The following BRAF variants were observed in gnomAD, a reference collection of about 807,000 sequenced individuals.
BRAF encodes B-Raf proto-oncogene, serine/threonine kinase, also known as serine/threonine-protein kinase B-raf.
A neutral mutation model predicts 104.6 loss-of-function variants in BRAF; 16 were observed. The ratio of observed to expected loss-of-function variants is 0.15; its 90% CI spans 0.10 to 0.23. BRAF has a LOEUF of 0.23. Ranked by LOEUF, BRAF falls within the 10% of genes least tolerant of loss-of-function variation. The pLI, the probability that BRAF is intolerant of heterozygous loss-of-function variation, is 1.00. For synonymous variants in BRAF, 310 were observed against 341.6 expected (o/e 0.91, Z 1.02); for missense variants, 541 against 937.3 (o/e 0.58, Z 5.52).
In BRAF at chr7:140,719,444, A is replaced by G; in HGVS notation, c.*7050T>C. ...AGTTTTTAAATAACTTTACACAGAA[A>G]TAAATTTCTTCAATCTGAATTTCAG... On this transcript the variant is annotated 3_prime_UTR_variant, in exon 20 of 20. Coordinates refer to ENST00000644969, the MANE Select transcript of BRAF (RefSeq NM_001374258.1). 1 of 1,012,578 alleles carries G rather than the reference A, an allele frequency of 9.9e-7. No homozygotes were observed. The allele number at this position is 1,012,578 out of a possible 1,614,324, so 62.7% of individuals were successfully genotyped here.
At chr7:140,914,810 C>T (rs752720802) in intron 1 of BRAF, among the ~76,000 whole-genome samples, 4 of 151,708 alleles carry the variant, frequency 2.6e-5, no homozygotes, top group African/African-American at 4.8e-5. Context: ...GAGGCTGAGG[C>T]GGACGGATCA....
rs377568100 is a variant in BRAF, at chr7:140,754,833, A to G, written c.1815-600T>C. ...ACTAGAACATGCAGTTTGGTAATTA[A>G]AACTATTTTTAAAGGTAGTTGTCAT... On this transcript the variant is annotated intron_variant, in intron 14 of 19. Coordinates refer to ENST00000644969, the MANE Select transcript of BRAF (RefSeq NM_001374258.1). Among the ~76,000 whole-genome samples the G allele has an allele frequency of 2.6e-5, 4 of 152,352 alleles. No individual in the cohort carries two copies. The East Asian group carries it at 7.7e-4, about 29-fold the overall frequency.
intron 3 of BRAF, among the ~76,000 whole-genome samples, chr7:140,811,910 T>G (rs867718768): frequency 4.6e-5 from 7 of 152,290 alleles, no homozygotes; most frequent in Middle Eastern, 3.4e-3. Flanking sequence ...GGTTGTAACC[T>G]TTCAGAAATA....
chr7:140,797,622 A>G (rs1562964490), intron 7 of BRAF, among the ~76,000 whole-genome samples: 1 of 152,218 alleles, frequency 6.6e-6, no homozygotes, highest in Non-Finnish European at 1.5e-5. Flanking sequence ...CCAATAAAAT[A>G]TTCATGGCAC....
intron 10 of BRAF, among the ~76,000 whole-genome samples, chr7:140,784,520 C>G (rs949454611): frequency 2.0e-5 from 3 of 152,142 alleles, no homozygotes; most frequent in African/African-American, 7.2e-5. Context: ...TGAGAAACAG[C>G]AGGGCTGAGA....
At chr7:140,920,352 C>T (rs955644179) in intron 1 of BRAF, among the ~76,000 whole-genome samples, 3 of 152,164 alleles carry the variant, frequency 2.0e-5, no homozygotes, top group Non-Finnish European at 2.9e-5. Context: ...AAGTAGTCAT[C>T]GCATTCTCTG....
chr7:140,794,966 T>C (rs1036068687), intron 7 of BRAF, among the ~76,000 whole-genome samples: 6 of 152,234 alleles, frequency 3.9e-5, no homozygotes, highest in East Asian at 1.9e-4. Flanking sequence ...TGAATGAAAA[T>C]CCAGAACAAT....
chr7:140,795,731 T>C lies in BRAF; in HGVS notation c.981-1264A>G, dbSNP rs555474042. The stretch of plus-strand genomic sequence containing the variant: ...TTTTGACTTCATGTGTTTATATTAA[T>C]GAAATGAATCCACTTAGAATTGATA... On this transcript the variant is annotated intron_variant, in intron 7 of 19. Coordinates refer to ENST00000644969, the MANE Select transcript of BRAF (RefSeq NM_001374258.1). 1.1e-4 allele frequency among the ~76,000 whole-genome samples: 16 copies of C among 152,288 alleles called. No individual in the cohort carries two copies. The South Asian group carries it at 1.4e-3, about 14-fold the overall frequency.
chr7:140,758,613 C>G (rs868730176), intron 14 of BRAF, among the ~76,000 whole-genome samples: 1 of 151,976 alleles, frequency 6.6e-6, no homozygotes, highest in African/African-American at 2.4e-5. Context: ...CGCCACCATG[C>G]CTGGATAATT....
intron 3 of BRAF, among the ~76,000 whole-genome samples, chr7:140,817,171 C>T (rs943737545): frequency 2.6e-5 from 4 of 151,758 alleles, no homozygotes; most frequent in East Asian, 1.9e-4. Flanking sequence ...GCAAACAATC[C>T]GAAACAAAAA....
intron 14 of BRAF, among the ~76,000 whole-genome samples, chr7:140,771,878 C>T (rs1239755197): frequency 1.3e-5 from 2 of 151,894 alleles, no homozygotes; most frequent in Non-Finnish European, 2.9e-5. Context: ...AGCCAGGGGA[C>T]AGAAGGAAAG....
intron 1 of BRAF, among the ~76,000 whole-genome samples, chr7:140,907,920 T>A (rs1816516198): frequency 6.6e-6 from 1 of 152,088 alleles, no homozygotes; most frequent in Admixed American, 6.5e-5. Flanking sequence ...AATCTTTGTA[T>A]TTTTAGTAGA....
chr7:140,924,744 C>A lies in BRAF; in HGVS notation c.-41G>T, dbSNP rs1482005288. On this transcript the variant is annotated 5_prime_UTR_variant, in exon 1 of 20. Coordinates refer to ENST00000644969, the MANE Select transcript of BRAF (RefSeq NM_001374258.1). This position sits in a 1 kb window ranked among gnomAD's most constrained non-coding sequence, Gnocchi z 4.2. ...CGGGGCCCGAGCGGCCGCTGTCGGG[C>A]GGGGAGGGGGAAGGGAGGCGGAGAG... is the stretch of plus-strand genomic sequence containing the variant. The A allele has an allele frequency of 1.4e-6, 1 of 718,524 alleles. No homozygotes were observed. The highest frequency in any genetic ancestry group is 2.4e-5 in the Admixed American group (1 of 41,558). 44.5% of individuals were successfully genotyped at this position (718,524 alleles called of 1,614,324 possible). A position where few individuals can be genotyped will look rare whatever the true frequency, so the allele number is the denominator to read the frequency against.
chr7:140,834,760 T>A lies in BRAF; in HGVS notation c.353A>T (p.Asp118Val), dbSNP rs2129062167. 1 of 1,614,192 alleles carries A rather than the reference T, an allele frequency of 6.2e-7. No individual in the cohort carries two copies. The highest frequency in any genetic ancestry group is 1.1e-5 in the South Asian group (1 of 91,086). The change falls in exon 3 of 20, where the codon GAT becomes GTT. Residue 118 changes from aspartate to valine, a missense_variant. Physicochemically the swap from Asp to Val is radical, Grantham distance 152. Transcript: ENST00000644969. ...AGAAGAGGAAGAAGATGTAACGGTA[T>A]CCATTGATGCAGAGCTAGAAACAGA... ...DFSVSSSASM[D>V]TVTSSSSSSL...
Position 140,843,150 on chromosome 7 carries a change from G to C in BRAF, c.240+6961C>G, listed in dbSNP as rs1808162872. 2.0e-5 allele frequency among the ~76,000 whole-genome samples: 3 copies of C among 152,218 alleles called. No homozygotes were observed. In the South Asian group the frequency reaches 6.2e-4, roughly 32 times the overall value. ...TCTTACTTCAGGAAATGTAAGCATA[G>C]TCACTAGTATAGGGGTGATATGTGA... On this transcript the variant is annotated intron_variant, in intron 2 of 19. Coordinates refer to ENST00000644969, the MANE Select transcript of BRAF (RefSeq NM_001374258.1).
intron 1 of BRAF, chr7:140,884,320 A>C (rs2129106920): frequency 6.6e-6 from 1 of 152,128 alleles, no homozygotes. Context: ...TAAGTGTTTA[A>C]CAGAGACATA....
intron 7 of BRAF, among the ~76,000 whole-genome samples, chr7:140,796,348 TA>T (rs35137743): frequency 0.046 from 5,787 of 126,974 alleles, 251 homozygotes; most frequent in African/African-American, 0.12. Flanking sequence ...GACTCCATCT[TA>T]AAAAAAAAAA....
chr7:140,722,923 TTAC>T lies in BRAF; in HGVS notation c.*3568_*3570del. 9.5e-7 allele frequency: 1 copy of T among 1,055,682 alleles called. No homozygotes were observed. Among genetic ancestry groups the T allele is most frequent in the Non-Finnish European group, 1.1e-6 (1 of 873,320 alleles). 65.4% of individuals were successfully genotyped at this position (1,055,682 alleles called of 1,614,324 possible). A position where few individuals can be genotyped will look rare whatever the true frequency, so the allele number is the denominator to read the frequency against. ...CCGAGCAACACATTTTTTTACAGTA[TTAC>T]TGCTTAAATGTATAATGCCCTTTAG... On this transcript the variant is annotated 3_prime_UTR_variant, in exon 20 of 20. Coordinates refer to ENST00000644969, the MANE Select transcript of BRAF (RefSeq NM_001374258.1).
intron 14 of BRAF, among the ~76,000 whole-genome samples, chr7:140,755,321 T>C (rs992648924): frequency 2.0e-5 from 3 of 152,178 alleles, no homozygotes; most frequent in African/African-American, 7.2e-5. Context: ...AATCTGACAA[T>C]GATCATTAGA....
Sources: allele counts gnomAD v4.1 joint callset (sites outside exome capture counted in the v4.1 genomes callset), GRCh38; gene constraint gnomAD v4.1.1; non-coding constraint Gnocchi (gnomAD v3.1); transcripts MANE v1.5; gene names NCBI Gene and HGNC (gene_info 2026-07-23, HGNC 2026-07-21).